The following HERC2 variants were observed in gnomAD, a reference collection of about 807,000 sequenced individuals.
HERC2 encodes E3 ubiquitin-protein ligase HERC2.
Under a neutral mutation model 537.7 loss-of-function variants are expected in HERC2, and 102 were observed. That is an observed-to-expected ratio of 0.19 (90% CI 0.16 to 0.22). HERC2 has a LOEUF of 0.22. Ranked by LOEUF, HERC2 falls within the 10% of genes least tolerant of loss-of-function variation. The probability of loss-of-function intolerance (pLI) is 1.00; values close to 1 mark genes in which losing one functional copy is unlikely to be tolerated. For missense variants in HERC2, 4,236 were observed against 6,198.2 expected, an observed-to-expected ratio of 0.68 and a Z score of 10.63; for synonymous variants, 2,224 against 2,466.2, an observed-to-expected ratio of 0.90 and a Z score of 2.91.
intron 35 of HERC2, among the ~76,000 whole-genome samples, chr15:28,223,376 G>C (rs1211858739): frequency 6.6e-6 from 1 of 152,102 alleles, no homozygotes; most frequent in Non-Finnish European, 1.5e-5. Context: ...GGCTTGGGCG[G>C]ACCAAAAAAT....
chr15:28,297,443 C>G (rs1302298850), intron 3 of HERC2, among the ~76,000 whole-genome samples: 1 of 151,144 alleles, frequency 6.6e-6, no homozygotes, highest in East Asian at 1.9e-4. Context: ...AAAAAAAACA[C>G]TATAGACATT....
chr15:28,283,609 A>T (rs2076080611), intron 4 of HERC2, among the ~76,000 whole-genome samples: 1 of 152,216 alleles, frequency 6.6e-6, no homozygotes, highest in Admixed American at 6.5e-5. Flanking sequence ...TTCTGGAAGG[A>T]GGAGATGACA....
At position 28,272,365 on chromosome 15, in the gene HERC2, C is replaced by A; in HGVS notation, c.933G>T (p.Leu311=). Residue 311 remains leucine (L), a synonymous_variant, in exon 9 of 93, where the codon CTG becomes CTT. Transcript: ENST00000261609. ...CGCTGTCCCACAGCTGAAGCAACAA[C>A]AGGATGGCAGACAACATTTGGCTAA... ...GTLSQMLSAI[L]LLLQLWDSGA... The A allele has an allele frequency of 6.2e-7, 1 of 1,612,240 alleles. No homozygotes were observed. Among genetic ancestry groups the A allele is most frequent in the Non-Finnish European group, 8.5e-7 (1 of 1,179,020 alleles).
chr15:28,151,005 TGAAA>T (rs1233413756), intron 70 of HERC2, among the ~76,000 whole-genome samples: 1 of 152,158 alleles, frequency 6.6e-6, no homozygotes, highest in Non-Finnish European at 1.5e-5. Flanking sequence ...ACTTGAAGAC[TGAAA>T]GAAAGTATAG....
chr15:28,196,110 T>C (rs1189985855), intron 52 of HERC2, 105 bp downstream of exon 52: 5 of 1,076,098 alleles, frequency 4.6e-6, no homozygotes, highest in East Asian at 2.4e-5. Context: ...ACAGAATTAC[T>C]GTATACATAG....
chr15:28,230,476 T>C lies in HERC2; in HGVS notation c.4700A>G (p.Asp1567Gly). The C allele has an allele frequency of 7.5e-7, 1 of 1,341,234 alleles. No individual in the cohort carries two copies. The highest frequency in any genetic ancestry group is 1.1e-6 in the Non-Finnish European group (1 of 949,200). The allele number at this position is 1,341,234 out of a possible 1,614,324, so 83.1% of individuals were successfully genotyped here. A position where few individuals can be genotyped will look rare whatever the true frequency, so the allele number is the denominator to read the frequency against. ...TTCGTTTCCAATTTTTTCTTCATCA[T>C]CCGTAGATTCTGGCTTCTTAGGAAC... ...KRVPKKPEST[D>G]DEEKIGNEES... The change falls in exon 31 of 93, where the codon GAT becomes GGT. Residue 1567 changes from aspartate (D) to glycine (G), a missense_variant. This residue lies in a region of HERC2 where 343 missense variants were observed against 417.2 expected (regional missense o/e 0.82). Coordinates refer to ENST00000261609, the MANE Select transcript of HERC2 (RefSeq NM_004667.6).
chr15:28,197,786 A>G (rs1348209593), intron 50 of HERC2, among the ~76,000 whole-genome samples: 3 of 152,186 alleles, frequency 2.0e-5, no homozygotes, highest in Non-Finnish European at 4.4e-5. Context: ...GTTAATGTCA[A>G]TGTTAGAACA....
intron 87 of HERC2, 59 bp downstream of exon 87, chr15:28,116,954 G>A: frequency 1.9e-6 from 3 of 1,612,598 alleles, no homozygotes; most frequent in Non-Finnish European, 2.5e-6. Context: ...TGTGCTCCCT[G>A]TGGGCTCAGG....
intron 70 of HERC2, among the ~76,000 whole-genome samples, chr15:28,150,464 A>C (rs1490359926): frequency 6.6e-6 from 1 of 152,090 alleles, no homozygotes; most frequent in African/African-American, 2.4e-5. Flanking sequence ...CGTACATTCT[A>C]GTGAAATTAC....
At chr15:28,140,556 C>T (rs1417117029) in intron 78 of HERC2, among the ~76,000 whole-genome samples, 2 of 152,126 alleles carry the variant, frequency 1.3e-5, no homozygotes, top group African/African-American at 4.8e-5. Flanking sequence ...GAATCTCACT[C>T]CGTCACCCAG....
intron 20 of HERC2, among the ~76,000 whole-genome samples, chr15:28,253,852 C>G (rs186655998): frequency 6.6e-6 from 1 of 152,058 alleles, no homozygotes; most frequent in Admixed American, 6.5e-5. Flanking sequence ...GTCCCAGCTA[C>G]TTGGGAGGCT....
chr15:28,248,858 C>G, intron 20 of HERC2, 122 bp from the exon 21 acceptor site: 1 of 769,078 alleles, frequency 1.3e-6, no homozygotes, highest in Non-Finnish European at 2.1e-6. Flanking sequence ...TGACCTGCAG[C>G]TGGCTTCCCT....
chr15:28,299,626 G>T, intron 2 of HERC2, 110 bp from the exon 3 acceptor site: 2 of 612,764 alleles, frequency 3.3e-6, no homozygotes, highest in Middle Eastern at 2.7e-4. Context: ...TCGATCATTT[G>T]GTAATAAAAT....
At chr15:28,193,495 C>T (rs1369318576) in intron 52 of HERC2, among the ~76,000 whole-genome samples, 1 of 151,954 alleles carries the variant, frequency 6.6e-6, no homozygotes, top group Non-Finnish European at 1.5e-5. Flanking sequence ...AGGCCTAACA[C>T]AAATGAAAGA....
intron 56 of HERC2, 120 bp downstream of exon 56, chr15:28,186,457 C>T (rs978843020): frequency 7.2e-6 from 5 of 692,886 alleles, no homozygotes; most frequent in African/African-American, 1.8e-5. Context: ...ATTTACCAAT[C>T]GTGTGGACAT....
chr15:28,262,668 G>A (rs558458867), intron 15 of HERC2, among the ~76,000 whole-genome samples: 2 of 113,540 alleles, frequency 1.8e-5, no homozygotes, highest in East Asian at 7.7e-4. Context: ...GCCACAGAAA[G>A]TCAACTCAAC....
rs1184112775 is a variant in HERC2, at chr15:28,174,400, T to C, written c.10052A>G (p.Tyr3351Cys). 6.3e-7 allele frequency: 1 copy of C among 1,598,874 alleles called. No individual in the cohort carries two copies. The highest frequency in any genetic ancestry group is 8.5e-7 in the Non-Finnish European group (1 of 1,169,812). ...QTARDPLGAS[Y>C]LGVPSDADSS... ...AAGATACAAATCTGTGTTACCTAAA[T>C]AGGAAGCACCTAAAGGGTCTCTTGC... The change falls in exon 65 of 93, where the codon TAT becomes TGT. Residue 3351 changes from tyrosine to cysteine, a missense_variant. This residue lies in a region of HERC2 where 356 missense variants were observed against 450.9 expected (regional missense o/e 0.79). Transcript: ENST00000261609.
At chr15:28,237,514 T>G (rs1369078909) in intron 25 of HERC2, among the ~76,000 whole-genome samples, 1 of 152,244 alleles carries the variant, frequency 6.6e-6, no homozygotes, top group Non-Finnish European at 1.5e-5. Context: ...TAGTGGACTG[T>G]GACCACACAT....
At chr15:28,259,845 A>G (rs929171623) in intron 16 of HERC2, among the ~76,000 whole-genome samples, 1 of 151,670 alleles carries the variant, frequency 6.6e-6, no homozygotes, top group Admixed American at 6.6e-5. Flanking sequence ...GTGCACACCT[A>G]TAATCCCAGC....
Sources: allele counts gnomAD v4.1 joint callset (sites outside exome capture counted in the v4.1 genomes callset), GRCh38; gene constraint gnomAD v4.1.1; regional missense constraint gnomAD v4.1.1; transcripts MANE v1.5; gene names NCBI Gene and HGNC (gene_info 2026-07-23, HGNC 2026-07-21).